WNT9A: variants seen among roughly 807,000 people sequenced by gnomAD.
The protein encoded by WNT9A is protein Wnt-9a.
A neutral mutation model predicts 31.4 loss-of-function variants in WNT9A; 8 were observed. That is an observed-to-expected ratio of 0.26 (90% CI 0.15 to 0.46). The LOEUF is 0.46. Ranked by LOEUF, WNT9A falls within the 20% of genes least tolerant of loss-of-function variation. WNT9A has a pLI of 0.99. For missense variants in WNT9A, 457 were observed against 522.9 expected (o/e 0.87, Z 1.23); for synonymous variants, 236 against 220.1 (o/e 1.07, Z -0.64).
intron 1 of WNT9A, among the ~76,000 whole-genome samples, chr1:227,947,283 C>G (rs1666810105): frequency 6.6e-6 from 1 of 151,790 alleles, no homozygotes; most frequent in Non-Finnish European, 1.5e-5. Flanking sequence ...ATAAATTCCT[C>G]CAGCTTGGAG....
At chr1:227,938,364 C>CACGTACAGGAACAA (rs1337305838) in intron 1 of WNT9A, among the ~76,000 whole-genome samples, 1 of 151,198 alleles carries the variant, frequency 6.6e-6, no homozygotes, top group Non-Finnish European at 1.5e-5. Flanking sequence ...CACGCATACA[C>CACGTACAGGAACAA]ACGTACAGGA....
At chr1:227,947,683 C>T (rs1666817571) in intron 1 of WNT9A, 110 bp downstream of exon 1, 1 of 593,066 alleles carries the variant, frequency 1.7e-6, no homozygotes, top group Non-Finnish European at 2.2e-6. Flanking sequence ...CCGGCGGCCC[C>T]GCCGCGCCCC....
intron 1 of WNT9A, among the ~76,000 whole-genome samples, chr1:227,936,108 T>G (rs1397397516): frequency 2.6e-5 from 4 of 152,230 alleles, no homozygotes; most frequent in Non-Finnish European, 5.9e-5. Flanking sequence ...AGCTTGTTGG[T>G]GTCCTCACGC....
intron 1 of WNT9A, among the ~76,000 whole-genome samples, chr1:227,933,398 T>C (rs892109026): frequency 6.6e-6 from 1 of 152,232 alleles, no homozygotes; most frequent in African/African-American, 2.4e-5. Context: ...TTTGATCTTC[T>C]ATCCAGACCA....
rs892620501 is a variant in WNT9A at position 227,921,271 on chromosome 1, T to G, written c.*247A>C. The G allele has an allele frequency of 3.5e-6, 2 of 565,454 alleles. No individual in the cohort carries two copies. The highest frequency in any genetic ancestry group is 3.8e-5 in the African/African-American group (2 of 53,228). 35.0% of individuals were successfully genotyped at this position (565,454 alleles called of 1,614,324 possible). A position where few individuals can be genotyped will look rare whatever the true frequency, so the allele number is the denominator to read the frequency against. Reference sequence around the variant, plus strand: ...TCAGCCTTGGCAGGTGTAGGCCCATTCATGCTCTGTGCAATGCCTGCACCC... The same window carrying G: ...TCAGCCTTGGCAGGTGTAGGCCCATGCATGCTCTGTGCAATGCCTGCACCC... On this transcript the variant is annotated 3_prime_UTR_variant, in exon 4 of 4. Transcript: ENST00000272164.
chr1:227,933,878 C>T (rs1407741035), intron 1 of WNT9A, among the ~76,000 whole-genome samples: 2 of 152,250 alleles, frequency 1.3e-5, no homozygotes, highest in South Asian at 2.1e-4. Flanking sequence ...AGAAACCCCC[C>T]AGCCCTGATC....
At chr1:227,936,497 G>A (rs1666597769) in intron 1 of WNT9A, among the ~76,000 whole-genome samples, 1 of 151,946 alleles carries the variant, frequency 6.6e-6, no homozygotes, top group African/African-American at 2.4e-5. Flanking sequence ...TGGCCACCCA[G>A]CTAATTTTTG....
intron 1 of WNT9A, among the ~76,000 whole-genome samples, chr1:227,935,048 A>G (rs1018335064): frequency 2.0e-5 from 3 of 148,878 alleles, no homozygotes; most frequent in South Asian, 4.3e-4. Flanking sequence ...ACAGAGTCTG[A>G]GTCACAGCCC....
intron 2 of WNT9A, among the ~76,000 whole-genome samples, chr1:227,924,629 T>C (rs561081103): frequency 6.6e-6 from 1 of 152,164 alleles, no homozygotes; most frequent in African/African-American, 2.4e-5. Flanking sequence ...GAGCCCGCCA[T>C]GGCCATGGCT....
intron 1 of WNT9A, among the ~76,000 whole-genome samples, chr1:227,943,306 A>G (rs1666744242): frequency 6.6e-6 from 1 of 152,216 alleles, no homozygotes; most frequent in African/African-American, 2.4e-5. Context: ...TGCAGGGGTA[A>G]GAGCGCCCAC....
At chr1:227,935,340 T>C (rs1007022860) in intron 1 of WNT9A, among the ~76,000 whole-genome samples, 1 of 152,074 alleles carries the variant, frequency 6.6e-6, no homozygotes, top group Non-Finnish European at 1.5e-5. Flanking sequence ...GTGGGGACTG[T>C]GACCCCAGTA....
intron 1 of WNT9A, among the ~76,000 whole-genome samples, chr1:227,940,247 C>A (rs1373465218): frequency 6.6e-6 from 1 of 152,188 alleles, no homozygotes. Context: ...CCAGAAGGGG[C>A]ATGGCTGGTC....
chr1:227,922,078 C>T (rs1666329619), intron 3 of WNT9A, 78 bp from the exon 4 acceptor site: 4 of 1,512,034 alleles, frequency 2.6e-6, no homozygotes, highest in Admixed American at 4.2e-5. Flanking sequence ...GCCCTGGACC[C>T]CCAGAGGGAC....
chr1:227,922,134 C>T, intron 3 of WNT9A, 134 bp from the exon 4 acceptor site: 1 of 1,335,722 alleles, frequency 7.5e-7, no homozygotes, highest in South Asian at 1.5e-5. Flanking sequence ...GGCGTCACCA[C>T]TGCACATCTC....
chr1:227,934,696 T>TA (rs751923931), intron 1 of WNT9A, among the ~76,000 whole-genome samples: 5 of 152,208 alleles, frequency 3.3e-5, no homozygotes, highest in Admixed American at 1.3e-4. Context: ...AATGTGCACT[T>TA]AAAGCTATCA....
At chr1:227,939,724 G>A (rs1216631245) in intron 1 of WNT9A, among the ~76,000 whole-genome samples, 1 of 152,168 alleles carries the variant, frequency 6.6e-6, no homozygotes, top group Non-Finnish European at 1.5e-5. Context: ...TGGGGCAGAG[G>A]GAGAAGAGAC....
intron 1 of WNT9A, among the ~76,000 whole-genome samples, chr1:227,931,836 G>C (rs763333715): frequency 1.3e-5 from 2 of 151,882 alleles, no homozygotes; most frequent in Admixed American, 1.3e-4. Flanking sequence ...CTGCTGACTG[G>C]TCAGCGTGGT....
At chr1:227,934,703 A>G (rs561478114) in intron 1 of WNT9A, among the ~76,000 whole-genome samples, 1 of 152,292 alleles carries the variant, frequency 6.6e-6, no homozygotes, top group Non-Finnish European at 1.5e-5. Context: ...ACTTAAAGCT[A>G]TCACTGTCAT....
chr1:227,941,627 C>G (rs1457363273), intron 1 of WNT9A: 1 of 153,784 alleles, frequency 6.5e-6, no homozygotes, highest in Non-Finnish European at 1.5e-5. Context: ...CCTGGGAGCA[C>G]AGGGGAGATG....
Sources: gnomAD v4.1 joint callset for allele counts (sites outside exome capture counted in the v4.1 genomes callset) on GRCh38, gnomAD v4.1.1 for gene constraint, MANE v1.5 for transcripts, NCBI Gene and HGNC (gene_info 2026-07-23, HGNC 2026-07-21) for gene names.